Variants in LCLAT1 observed in about 807,000 individuals in gnomAD.
The protein encoded by LCLAT1 is 1-AGP acyltransferase 8.
Under a neutral mutation model 30.7 loss-of-function variants are expected in LCLAT1, and 11 were observed. The observed-to-expected ratio is 0.36, with a 90% CI of 0.23 to 0.59. The LOEUF is 0.59. LCLAT1 is among the 20% of genes least tolerant of loss of function. The pLI is 0.77. For missense variants in LCLAT1, 402 were observed against 458.6 expected (o/e 0.88, Z 1.13); for synonymous variants, 155 against 151.3 (o/e 1.02, Z -0.18).
In LCLAT1 at chr2:30,508,394, A is replaced by G. The variant is rs150383553; in HGVS notation, c.-4-17193A>G. 3.8e-4 allele frequency among the ~76,000 whole-genome samples: 58 copies of G among 152,032 alleles called. No individual in the cohort carries two copies. In the East Asian group the frequency reaches 7.2e-3, roughly 19 times the overall value. On this transcript the variant is annotated intron_variant, in intron 1 of 5. Transcript: ENST00000379509. ...GAATAGTATTGCCTTCCGGGTTTTT[A>G]TAGTTTTGAGTTTTATATTTAAGTC...
rs542024500 is a variant in LCLAT1, at chr2:30,466,014, A to T, written c.-5+18631A>T. ...TGACATATAATTTCTTATATTTTTG[A>T]TAAAGTAACTCCTTAGAGTTGTCTA... On this transcript the variant is annotated intron_variant, in intron 1 of 5. Coordinates refer to ENST00000379509, the MANE Select transcript of LCLAT1 (RefSeq NM_001002257.3). 3.9e-5 allele frequency among the ~76,000 whole-genome samples: 6 copies of T among 152,018 alleles called. No individual in the cohort carries two copies. The South Asian group carries it at 1.2e-3, about 32-fold the overall frequency.
chr2:30,511,255 T>C lies in LCLAT1; in HGVS notation c.-4-14332T>C, dbSNP rs546606591. Among the ~76,000 whole-genome samples the C allele has an allele frequency of 5.9e-5, 9 of 152,292 alleles. No individual in the cohort carries two copies. The East Asian group carries it at 1.4e-3, about 23-fold the overall frequency. Reference sequence around the variant, plus strand: ...TTTTCGAACTCCTGACCTCAAGTGATCTGACCGCCTCGGCCTCCCAAAGTG... The same window carrying C: ...TTTTCGAACTCCTGACCTCAAGTGACCTGACCGCCTCGGCCTCCCAAAGTG... On this transcript the variant is annotated intron_variant, in intron 1 of 5. Transcript: ENST00000379509.
intron 1 of LCLAT1, among the ~76,000 whole-genome samples, chr2:30,462,771 C>G (rs553096382): frequency 6.6e-6 from 1 of 151,996 alleles, no homozygotes; most frequent in Non-Finnish European, 1.5e-5. Context: ...TTTTGTGTTA[C>G]GTGAGCTGAT....
chr2:30,458,000 T>G (rs1429368322), intron 1 of LCLAT1, among the ~76,000 whole-genome samples: 1 of 151,202 alleles, frequency 6.6e-6, no homozygotes, highest in African/African-American at 2.4e-5. Flanking sequence ...TAGAAGACTG[T>G]GGGCAACTAA....
intron 5 of LCLAT1, among the ~76,000 whole-genome samples, chr2:30,628,314 G>A (rs1668612348): frequency 6.6e-6 from 1 of 152,210 alleles, no homozygotes; most frequent in Admixed American, 6.5e-5. Flanking sequence ...TTTCTTGGTT[G>A]AGAAGAGGAT....
At chr2:30,572,963 T>G (rs1665846700) in intron 5 of LCLAT1, among the ~76,000 whole-genome samples, 1 of 149,108 alleles carries the variant, frequency 6.7e-6, no homozygotes, top group Non-Finnish European at 1.5e-5. Flanking sequence ...AAAATTGTGG[T>G]TCGATCGTTT....
At chr2:30,563,276 T>A (rs1037979100) in intron 4 of LCLAT1, among the ~76,000 whole-genome samples, 1 of 152,184 alleles carries the variant, frequency 6.6e-6, no homozygotes, top group Admixed American at 6.5e-5. Context: ...TACTCAACAG[T>A]CTGTCATCCT....
chr2:30,640,348 T>C lies in LCLAT1; in HGVS notation c.860T>C (p.Phe287Ser), dbSNP rs371408205. 1.1e-5 allele frequency: 17 copies of C among 1,614,084 alleles called. No homozygotes were observed. Among genetic ancestry groups the C allele is most frequent in the Non-Finnish European group, 1.4e-5 (17 of 1,180,046 alleles). Reference sequence around the variant, plus strand: ...TCCTTCTATCAAGGGGAGAAGAATTTTTATTTTACCGGACAGAGTGTCATT... The same window carrying C: ...TCCTTCTATCAAGGGGAGAAGAATTCTTATTTTACCGGACAGAGTGTCATT... ...LRSFYQGEKN[F>S]YFTGQSVIPP... The change falls in exon 6 of 6, where the codon TTT (phenylalanine) becomes TCT (serine). Residue 287 changes from phenylalanine (F) to serine (S), a missense_variant. Transcript: ENST00000379509.
intron 5 of LCLAT1, among the ~76,000 whole-genome samples, chr2:30,600,829 C>CG (rs1667146908): frequency 6.6e-6 from 1 of 152,074 alleles, no homozygotes; most frequent in Non-Finnish European, 1.5e-5. Context: ...AATGTTGGCC[C>CG]GTCTTCCTAG....
At chr2:30,562,931 C>A (rs1665307819) in intron 4 of LCLAT1, among the ~76,000 whole-genome samples, 1 of 152,194 alleles carries the variant, frequency 6.6e-6, no homozygotes, top group Non-Finnish European at 1.5e-5. Flanking sequence ...GATATTTAAG[C>A]CCTATCCTTG....
chr2:30,509,613 C>T (rs1880539), intron 1 of LCLAT1, among the ~76,000 whole-genome samples: 1 of 151,802 alleles, frequency 6.6e-6, no homozygotes, highest in Admixed American at 6.6e-5. Context: ...CATTGTCTCC[C>T]CCAGGCTGGA....
intron 1 of LCLAT1, among the ~76,000 whole-genome samples, chr2:30,481,072 A>G (rs538589403): frequency 6.6e-6 from 1 of 152,292 alleles, no homozygotes; most frequent in South Asian, 2.1e-4. Context: ...AAACAGAGGT[A>G]GTGAAACAAA....
chr2:30,570,640 A>G (rs554928234), intron 5 of LCLAT1, among the ~76,000 whole-genome samples: 20 of 152,240 alleles, frequency 1.3e-4, no homozygotes, highest in Non-Finnish European at 2.5e-4. Flanking sequence ...TTGTATTTAT[A>G]GTATGATTTT....
intron 5 of LCLAT1, among the ~76,000 whole-genome samples, chr2:30,619,582 A>G (rs1405531695): frequency 6.6e-6 from 1 of 152,250 alleles, no homozygotes; most frequent in African/African-American, 2.4e-5. Context: ...CCTTGTGAAT[A>G]AAGGATTGGG....
At chr2:30,618,956 T>C (rs1668117531) in intron 5 of LCLAT1, among the ~76,000 whole-genome samples, 1 of 150,964 alleles carries the variant, frequency 6.6e-6, no homozygotes, top group African/African-American at 2.5e-5. Flanking sequence ...AGGTGTCTGG[T>C]AACAAGTGCT....
At chr2:30,562,964 CCTT>C (rs1665309937) in intron 4 of LCLAT1, among the ~76,000 whole-genome samples, 1 of 152,164 alleles carries the variant, frequency 6.6e-6, no homozygotes, top group African/African-American at 2.4e-5. Context: ...ATAGCTTTGC[CCTT>C]CTTCAAGAAA....
At chr2:30,515,183 A>G (rs998812579) in intron 1 of LCLAT1, among the ~76,000 whole-genome samples, 3 of 152,194 alleles carry the variant, frequency 2.0e-5, no homozygotes, top group African/African-American at 7.2e-5. Context: ...CTTTTCCTCC[A>G]AGAGTCTAAA....
rs772862630 is a variant in LCLAT1 at position 30,533,249 on chromosome 2, G to A, written c.299G>A (p.Arg100Gln). 9 of 1,614,110 alleles carry A rather than the reference G, an allele frequency of 5.6e-6. No homozygotes were observed. Among genetic ancestry groups the A allele is most frequent in the South Asian group, 1.1e-5 (1 of 91,090 alleles). The change falls in exon 3 of 6, where the codon CGA becomes CAA. Residue 100 changes from arginine (R) to glutamine (Q), a missense_variant. Arg to Gln is a conservative substitution (Grantham distance 43, BLOSUM62 1). Transcript: ENST00000379509. The stretch of plus-strand genomic sequence containing the variant: ...ATGTTCCTGTGGAATTGCCTGATGC[G>A]ATATAGCTACCTCAGATTGGAGAAA... ...DWMFLWNCLM[R>Q]YSYLRLEKIC... is the part of the protein sequence containing the mutation.
At chr2:30,467,257 A>G (rs973453151) in intron 1 of LCLAT1, among the ~76,000 whole-genome samples, 2 of 152,230 alleles carry the variant, frequency 1.3e-5, no homozygotes, top group African/African-American at 4.8e-5. Context: ...TGTCCCTACA[A>G]AGGACATGAA....
Sources: allele counts gnomAD v4.1 joint callset (sites outside exome capture counted in the v4.1 genomes callset), GRCh38; gene constraint gnomAD v4.1.1; transcripts MANE v1.5; gene names NCBI Gene and HGNC (gene_info 2026-07-23, HGNC 2026-07-21).